The following SBSPON variants were observed in gnomAD, a reference collection of about 807,000 sequenced individuals.
SBSPON encodes the protein somatomedin B and thrombospondin type 1 domain containing.
In SBSPON, 30 loss-of-function variants were observed where a neutral mutation model predicts 35.8. That is an observed-to-expected ratio of 0.84 (90% confidence interval 0.63 to 1.14). The LOEUF is 1.14. SBSPON is among the 50% of genes most tolerant of loss of function. The probability of loss-of-function intolerance (pLI) is 0.00; values close to 1 mark genes in which losing one functional copy is unlikely to be tolerated. For missense variants in SBSPON, 364 were observed against 357.7 expected (o/e 1.02, Z -0.14); for synonymous variants, 136 against 135.9 (o/e 1.00, Z 0.00).
chr8:73,067,872 CAG>C (rs1344976892), intron 4 of SBSPON, among the ~76,000 whole-genome samples: 1 of 150,092 alleles, frequency 6.7e-6, no homozygotes, highest in Non-Finnish European at 1.5e-5. Flanking sequence ...TGATCACAAA[CAG>C]AGTTTCCCTT....
In SBSPON at chr8:73,092,890, C is replaced by T. The variant is rs369605172; in HGVS notation, c.178G>A (p.Gly60Arg). 1.2e-6 allele frequency: 2 copies of T among 1,611,660 alleles called. No individual in the cohort carries two copies. Among genetic ancestry groups the T allele is most frequent in the African/African-American group, 2.7e-5 (2 of 74,756 alleles). ...CFCDQACRFT[G>R]DCCFDYDRAC... The stretch of plus-strand genomic sequence containing the variant: ...CTGTCGTAGTCGAAGCAGCAGTCCC[C>T]GGTGAAGCGACAGGCTTGGTCGCAG... The change falls in exon 1 of 5, where the codon GGG becomes AGG. Residue 60 changes from glycine to arginine, a missense_variant. Coordinates refer to ENST00000297354, the MANE Select transcript of SBSPON (RefSeq NM_153225.4).
intron 4 of SBSPON, among the ~76,000 whole-genome samples, chr8:73,068,833 A>T (rs1009326354): frequency 6.6e-6 from 1 of 152,206 alleles, no homozygotes; most frequent in East Asian, 1.9e-4. Context: ...TTGTGTCTGG[A>T]CTGTGAGTTA....
chr8:73,071,441 TCAC>T (rs1433798104), intron 3 of SBSPON, among the ~76,000 whole-genome samples: 1 of 152,156 alleles, frequency 6.6e-6, no homozygotes, highest in Non-Finnish European at 1.5e-5. Context: ...ACTTTCAAAT[TCAC>T]CAAACAGAGG....
chr8:73,086,210 G>T (rs1054917765), intron 1 of SBSPON, among the ~76,000 whole-genome samples: 3 of 151,826 alleles, frequency 2.0e-5, no homozygotes, highest in Non-Finnish European at 4.4e-5. Flanking sequence ...ACCCACGCTG[G>T]AGTGCAATGG....
chr8:73,085,350 CT>C (rs1354710368), intron 1 of SBSPON: 1 of 151,890 alleles, frequency 6.6e-6, no homozygotes, highest in Non-Finnish European at 1.5e-5. Flanking sequence ...AGCTTCTTTA[CT>C]TTTATTATCT....
intron 1 of SBSPON, among the ~76,000 whole-genome samples, chr8:73,085,204 G>A (rs1810801189): frequency 6.6e-6 from 1 of 152,064 alleles, no homozygotes; most frequent in Non-Finnish European, 1.5e-5. Flanking sequence ...TGGCCCCAAG[G>A]GTGTCCATCA....
Position 73,092,884 on chromosome 8 carries a change from A to T in SBSPON, c.184T>A (p.Cys62Ser), listed in dbSNP as rs1406949575. ...CACGCCCTGTCGTAGTCGAAGCAGC[A>T]GTCCCCGGTGAAGCGACAGGCTTGG... Reference protein sequence around the residue: ...CDQACRFTGDCCFDYDRACPA... With the variant: ...CDQACRFTGDSCFDYDRACPA... Residue 62 changes from cysteine (C) to serine (S), a missense_variant, in exon 1 of 5, where the codon TGC becomes AGC. Transcript: ENST00000297354. 2 of 1,612,000 alleles carry T rather than the reference A, an allele frequency of 1.2e-6. No homozygotes were observed. Among genetic ancestry groups the T allele is most frequent in the Non-Finnish European group, 1.7e-6 (2 of 1,179,424 alleles).
intron 2 of SBSPON, among the ~76,000 whole-genome samples, chr8:73,080,444 G>A (rs1472729340): frequency 2.6e-5 from 4 of 152,110 alleles, no homozygotes; most frequent in Non-Finnish European, 5.9e-5. Context: ...GAACCCAGGA[G>A]GCAGAGCTTG....
intron 1 of SBSPON, among the ~76,000 whole-genome samples, chr8:73,088,436 A>G (rs1810873883): frequency 1.3e-5 from 2 of 152,248 alleles, no homozygotes; most frequent in African/African-American, 4.8e-5. Flanking sequence ...CAATCCCAGC[A>G]TGTTGGGAGG....
At position 73,069,958 on chromosome 8, in the gene SBSPON, T is replaced by G; in HGVS notation, c.524A>C (p.Glu175Ala). 5 of 1,601,354 alleles carry G rather than the reference T, an allele frequency of 3.1e-6. No homozygotes were observed. The highest frequency in any genetic ancestry group is 4.3e-6 in the Non-Finnish European group (5 of 1,173,418). ...DAGYCMEFKT[E>A]SLTPHCALEN... ...CAGAGCACAGTGAGGAGTCAAGGAC[T>G]CTGTCTTAAACTCCATACAGTATCT... Residue 175 changes from glutamate to alanine, a missense_variant, in exon 4 of 5, where the codon GAG becomes GCG. Physicochemically the swap from Glu to Ala is moderately radical, Grantham distance 107 (BLOSUM62 -1). Transcript: ENST00000297354.
intron 1 of SBSPON, among the ~76,000 whole-genome samples, chr8:73,091,222 A>T (rs1810926524): frequency 6.6e-6 from 1 of 152,198 alleles, no homozygotes; most frequent in Non-Finnish European, 1.5e-5. Context: ...CTCCTCCAGC[A>T]GGCCTCTTCC....
chr8:73,069,519 C>T (rs937773410), intron 4 of SBSPON, among the ~76,000 whole-genome samples: 1 of 152,122 alleles, frequency 6.6e-6, no homozygotes, highest in African/African-American at 2.4e-5. Flanking sequence ...GTCTACCCAC[C>T]TCGGCCTCCC....
Position 73,081,228 on chromosome 8 carries a change from A to G in SBSPON, c.215-15T>C. 1 of 1,556,964 alleles carries G rather than the reference A, an allele frequency of 6.4e-7. No individual in the cohort carries two copies. The highest frequency in any genetic ancestry group is 8.7e-7 in the Non-Finnish European group (1 of 1,147,078). ...GCACGGGCGAGCTGAAAAACAGCAC[A>G]ATAGGACGCTCACCTGAGTAAATCC... On this transcript the variant is annotated splice_polypyrimidine_tract_variant and intron_variant, in intron 1 of 4. Transcript: ENST00000297354.
intron 1 of SBSPON, among the ~76,000 whole-genome samples, chr8:73,084,126 A>G (rs1443865207): frequency 1.3e-5 from 2 of 152,270 alleles, no homozygotes; most frequent in Non-Finnish European, 2.9e-5. Context: ...CCTGGCTTTC[A>G]GCTCATTGGA....
chr8:73,084,383 A>T (rs753438934), intron 1 of SBSPON, among the ~76,000 whole-genome samples: 20 of 152,214 alleles, frequency 1.3e-4, no homozygotes, highest in Admixed American at 3.3e-4. Context: ...TAATTTTTTA[A>T]AAGTATAAAT....
intron 1 of SBSPON, among the ~76,000 whole-genome samples, chr8:73,088,934 G>A (rs549922759): frequency 6.6e-6 from 1 of 152,296 alleles, no homozygotes; most frequent in African/African-American, 2.4e-5. Context: ...AAAAATGCTA[G>A]TATAGGTCAC....
chr8:73,090,257 G>C (rs1402382323), intron 1 of SBSPON, among the ~76,000 whole-genome samples: 1 of 152,194 alleles, frequency 6.6e-6, no homozygotes, highest in Non-Finnish European at 1.5e-5. Context: ...ACAGCACCAG[G>C]GTAAAGGCTG....
intron 1 of SBSPON, among the ~76,000 whole-genome samples, chr8:73,086,166 CTT>C (rs932354888): frequency 6.8e-6 from 1 of 146,486 alleles, no homozygotes; most frequent in East Asian, 2.0e-4. Context: ...TCTCCCTTTT[CTT>C]TTTTTTTTTG....
At chr8:73,081,438 G>C (rs1036169248) in intron 1 of SBSPON, among the ~76,000 whole-genome samples, 1 of 152,110 alleles carries the variant, frequency 6.6e-6, no homozygotes, top group Admixed American at 6.5e-5. Context: ...GAAGTAGCTG[G>C]ATACCCTGGG....
Sources: allele counts gnomAD v4.1 joint callset (sites outside exome capture counted in the v4.1 genomes callset), GRCh38; gene constraint gnomAD v4.1.1; transcripts MANE v1.5; gene names NCBI Gene and HGNC (gene_info 2026-07-23, HGNC 2026-07-21).